Variants in RASSF4 observed in about 807,000 individuals in gnomAD.
The protein encoded by RASSF4 is ras association domain-containing protein 4.
Under a neutral mutation model 41.1 loss-of-function variants are expected in RASSF4, and 38 were observed. The ratio of observed to expected loss-of-function variants is 0.92; its 90% CI spans 0.71 to 1.21. The LOEUF (loss-of-function observed/expected upper bound fraction) is 1.21. Among genes scored for constraint, RASSF4 ranks in the 50% most tolerant of loss-of-function variants. The probability of loss-of-function intolerance (pLI) is 0.00; values close to 1 mark genes in which losing one functional copy is unlikely to be tolerated. For synonymous variants in RASSF4, 179 were observed against 163.4 expected (o/e 1.10, Z -0.73); for missense variants, 414 against 419.4 (o/e 0.99, Z 0.11).
At position 44,977,825 on chromosome 10, in the gene RASSF4, G is replaced by A. The variant is rs113777396; in HGVS notation, c.139-4696G>A. On this transcript the variant is annotated intron_variant, in intron 3 of 10. Coordinates refer to ENST00000340258, the MANE Select transcript of RASSF4 (RefSeq NM_032023.4). ...GCGGCCCTTCCGGCAGGCCTGGGCT[G>A]GCCTGTGGGGTGGCCTGGGTTGGCC... is the stretch of plus-strand genomic sequence containing the variant. 8.7e-6 allele frequency: 14 copies of A among 1,605,076 alleles called. No individual in the cohort carries two copies. In the Admixed American group the frequency reaches 2.1e-4, roughly 24 times the overall value.
chr10:44,968,381 C>T lies in RASSF4; in HGVS notation c.-38-1784C>T, dbSNP rs577479376. ...GGCCAAGAAAAATGCAGCAATAAGT[C>T]CCCAGCTCCAGGCCTTGCTGCTGGG... On this transcript the variant is annotated intron_variant, in intron 1 of 10. Coordinates refer to ENST00000340258, the MANE Select transcript of RASSF4 (RefSeq NM_032023.4). Among the ~76,000 whole-genome samples, 8 of 152,274 alleles carry T rather than the reference C, an allele frequency of 5.3e-5. No homozygotes were observed. The South Asian group carries it at 1.7e-3, about 32-fold the overall frequency.
At chr10:44,972,796 G>A (rs546522243) in intron 3 of RASSF4, among the ~76,000 whole-genome samples, 6 of 152,296 alleles carry the variant, frequency 3.9e-5, no homozygotes, top group African/African-American at 9.6e-5. Flanking sequence ...GTTGGCTCCC[G>A]GACTTTCTCT....
In RASSF4 at chr10:44,989,291, A is replaced by T; in HGVS notation, c.549A>T (p.Pro183=). 1 of 1,613,500 alleles carries T rather than the reference A, an allele frequency of 6.2e-7. No homozygotes were observed. Among genetic ancestry groups the T allele is most frequent in the Non-Finnish European group, 8.5e-7 (1 of 1,179,446 alleles). The change falls in exon 7 of 11, where the codon CCA becomes CCT. Residue 183 remains proline, a synonymous_variant. Transcript: ENST00000340258. ...FYNHKTSVFT[P]AYGSVTNVRV... The stretch of plus-strand genomic sequence containing the variant: ...TGGTACAGACCTCCGTGTTTACTCC[A>T]GCCTATGGATCCGTGACCAATGTGA...
At chr10:44,974,210 C>T (rs1016923312) in intron 3 of RASSF4, among the ~76,000 whole-genome samples, 1 of 152,242 alleles carries the variant, frequency 6.6e-6, no homozygotes, top group Non-Finnish European at 1.5e-5. Flanking sequence ...CCATCCCAGG[C>T]CAGTCTCTCC....
intron 3 of RASSF4, chr10:44,981,896 G>C (rs1160294090): frequency 6.5e-6 from 1 of 152,758 alleles, no homozygotes; most frequent in Non-Finnish European, 1.5e-5. Flanking sequence ...AGGGAGGTTG[G>C]GGACATGGGA....
intron 10 of RASSF4, 83 bp downstream of exon 10, chr10:44,992,085 G>A (rs1842135452): frequency 2.3e-6 from 2 of 858,304 alleles, no homozygotes; most frequent in Non-Finnish European, 1.9e-6. Flanking sequence ...CGGCTGGGAG[G>A]TCTCTCTCCT....
chr10:44,964,458 C>T (rs978504438), intron 1 of RASSF4, among the ~76,000 whole-genome samples: 38 of 152,222 alleles, frequency 2.5e-4, no homozygotes, highest in Admixed American at 2.4e-3. Flanking sequence ...GCCTGCTGGC[C>T]GACTTGGCCT....
In RASSF4 at chr10:44,982,128, G is replaced by A. The variant is rs117316580; in HGVS notation, c.139-393G>A. ...GGGCCTGGTGGCCATAGGACCTGGT[G>A]GCGCAGGACCCCCTCCCAGGTGCAG... On this transcript the variant is annotated intron_variant, in intron 3 of 10. Transcript: ENST00000340258. The A allele has an allele frequency of 3.5e-4, 98 of 276,966 alleles. No homozygotes were observed. The East Asian group carries it at 0.015, about 41-fold the overall frequency. 17.2% of individuals were successfully genotyped at this position (276,966 alleles called of 1,614,324 possible). A position where few individuals can be genotyped will look rare whatever the true frequency, so the allele number is the denominator to read the frequency against.
At chr10:44,977,329 G>A (rs1475629417) in intron 3 of RASSF4, 9 of 1,505,712 alleles carry the variant, frequency 6.0e-6, no homozygotes, top group East Asian at 2.3e-5. Flanking sequence ...TGACCACCAT[G>A]GAGGAGACGA....
chr10:44,994,028 G>C lies in RASSF4; in HGVS notation c.*699G>C, dbSNP rs1330501743. 2.0e-5 allele frequency: 3 copies of C among 152,260 alleles called. No individual in the cohort carries two copies. The highest frequency in any genetic ancestry group is 4.4e-5 in the Non-Finnish European group (3 of 68,090). 9.4% of individuals were successfully genotyped at this position (152,260 alleles called of 1,614,324 possible). On this transcript the variant is annotated 3_prime_UTR_variant, in exon 11 of 11. Transcript: ENST00000340258. ...CACGGTCATTCAATCACATTGAGGA[G>C]GGTCCACATGGCATTGAGAGGGTGC...
intron 3 of RASSF4, 39 bp downstream of exon 3, chr10:44,971,887 C>T (rs764910433): frequency 2.8e-6 from 4 of 1,414,476 alleles, no homozygotes; most frequent in Admixed American, 3.6e-5. Context: ...CACCATGTAC[C>T]CTGGGAGGCC....
chr10:44,975,047 G>A (rs1841348003), intron 3 of RASSF4, among the ~76,000 whole-genome samples: 1 of 152,152 alleles, frequency 6.6e-6, no homozygotes, highest in African/African-American at 2.4e-5. Context: ...GCCCCAGGCG[G>A]CAGGACCTTT....
At chr10:44,962,697 G>A (rs928449498) in intron 1 of RASSF4, among the ~76,000 whole-genome samples, 2 of 152,238 alleles carry the variant, frequency 1.3e-5, no homozygotes, top group African/African-American at 4.8e-5. Context: ...GAAAACCATA[G>A]CTAAGAAGAT....
chr10:44,975,004 T>C (rs1028055157), intron 3 of RASSF4, among the ~76,000 whole-genome samples: 1 of 152,120 alleles, frequency 6.6e-6, no homozygotes, highest in Admixed American at 6.5e-5. Context: ...GAAATGTCCT[T>C]GTGTAAACCC....
At chr10:44,959,968 C>T (rs1185662867) in intron 1 of RASSF4, 102 bp downstream of exon 1, 1 of 152,260 alleles carries the variant, frequency 6.6e-6, no homozygotes, top group African/African-American at 2.4e-5. Context: ...GGCACTTGTG[C>T]CCTTCGGCCG....
At position 44,991,035 on chromosome 10, in the gene RASSF4, T is replaced by C. The variant is rs139516622; in HGVS notation, c.773T>C (p.Met258Thr). 85 of 1,613,812 alleles carry C rather than the reference T, an allele frequency of 5.3e-5. No individual in the cohort carries two copies. In the African/African-American group the frequency reaches 9.9e-4, roughly 19 times the overall value. Residue 258 changes from methionine (M) to threonine (T), a missense_variant, in exon 9 of 11, where the codon ATG (methionine) becomes ACG (threonine). By Grantham distance (81) the Met-to-Thr change is moderately conservative (BLOSUM62 -1). Transcript: ENST00000340258. ...PCEKIARIFL[M>T]EADLGVEVPH... ...GAGAAGATCGCCAGGATCTTCCTGATGGAAGCTGACTTGGGCGTGGAAGTC... is the reference window on the plus strand; with the variant it reads ...GAGAAGATCGCCAGGATCTTCCTGACGGAAGCTGACTTGGGCGTGGAAGTC...
In RASSF4 at chr10:44,977,729, G is replaced by T. The variant is rs147897217; in HGVS notation, c.139-4792G>T. ...AAAAAGCCAGTCCAGGGGGTCCACAGTATCAGCCATGGGCAGTGTGGGCTG... is the reference window on the plus strand; with the variant it reads ...AAAAAGCCAGTCCAGGGGGTCCACATTATCAGCCATGGGCAGTGTGGGCTG... On this transcript the variant is annotated intron_variant, in intron 3 of 10. Transcript: ENST00000340258. 9 of 1,609,836 alleles carry T rather than the reference G, an allele frequency of 5.6e-6. No homozygotes were observed. In the African/African-American group the frequency reaches 1.1e-4, roughly 19 times the overall value.
rs148393910 is a variant in RASSF4 at position 44,989,280 on chromosome 10, G to A, written c.538G>A (p.Val180Met). 36 of 1,611,482 alleles carry A rather than the reference G, an allele frequency of 2.2e-5. No individual in the cohort carries two copies. The highest frequency in any genetic ancestry group is 1.1e-4 in the East Asian group (5 of 44,860). Reference protein sequence around the residue: ...NGHFYNHKTSVFTPAYGSVTN... With the variant: ...NGHFYNHKTSMFTPAYGSVTN... ...CTCTCCCTTCCTGGTACAGACCTCC[G>A]TGTTTACTCCAGCCTATGGATCCGT... The change falls in exon 7 of 11, where the codon GTG (valine) becomes ATG (methionine). Residue 180 changes from valine (V) to methionine (M), a missense_variant. Coordinates refer to ENST00000340258, the MANE Select transcript of RASSF4 (RefSeq NM_032023.4).
rs140387492 is a variant in RASSF4 at position 44,985,364 on chromosome 10, G to A, written c.531+394G>A. Among the ~76,000 whole-genome samples the A allele has an allele frequency of 3.3e-3, 505 of 152,344 alleles. 5 individuals are homozygous for A. The highest frequency in any genetic ancestry group is 0.011 in the African/African-American group (473 of 41,572). ...GTGTGCCCAGGGCACATGTGTCTGT[G>A]CCCCAGAGAACCTGGACGACCCCAG... is the stretch of plus-strand genomic sequence containing the variant. On this transcript the variant is annotated intron_variant, in intron 6 of 10. Coordinates refer to ENST00000340258, the MANE Select transcript of RASSF4 (RefSeq NM_032023.4).
Sources: allele counts gnomAD v4.1 joint callset (sites outside exome capture counted in the v4.1 genomes callset), GRCh38; gene constraint gnomAD v4.1.1; transcripts MANE v1.5; gene names NCBI Gene and HGNC (gene_info 2026-07-23, HGNC 2026-07-21).